The following CSMD2 variants were observed in gnomAD, a reference collection of about 807,000 sequenced individuals.
CSMD2 encodes CUB and Sushi multiple domains 2, also known as CUB and sushi domain-containing protein 2.
In CSMD2, 130 loss-of-function variants were observed where a neutral mutation model predicts 398.5. The observed-to-expected ratio is 0.33, with a 90% CI of 0.28 to 0.38. The LOEUF is 0.38. Ranked by LOEUF, CSMD2 falls within the 10% of genes least tolerant of loss-of-function variation. CSMD2 has a pLI of 1.00. For missense variants in CSMD2, 3,829 were observed against 4,764.9 expected (o/e 0.80, Z 5.78); for synonymous variants, 1,828 against 1,908.5 (o/e 0.96, Z 1.10).
intron 5 of CSMD2, among the ~76,000 whole-genome samples, chr1:33,897,784 G>T (rs1268751281): frequency 6.6e-6 from 1 of 152,214 alleles, no homozygotes; most frequent in Non-Finnish European, 1.5e-5. Flanking sequence ...AATACAAAAT[G>T]AGTTGATTCA....
At chr1:34,014,316 A>G (rs1020700746) in intron 3 of CSMD2, among the ~76,000 whole-genome samples, 61 of 152,346 alleles carry the variant, frequency 4.0e-4, no homozygotes, top group African/African-American at 1.4e-3. Context: ...GAACCTGCCC[A>G]TGGGTCCTGA....
intron 3 of CSMD2, among the ~76,000 whole-genome samples, chr1:33,985,108 G>A (rs1459973032): frequency 6.6e-6 from 1 of 152,200 alleles, no homozygotes; most frequent in Non-Finnish European, 1.5e-5. Context: ...AGTGTGTGCA[G>A]TAACGCAATG....
intron 8 of CSMD2, among the ~76,000 whole-genome samples, 163 bp downstream of exon 8, chr1:33,820,305 AC>A (rs1192867101): frequency 6.6e-6 from 1 of 152,142 alleles, no homozygotes; most frequent in Non-Finnish European, 1.5e-5. Context: ...CAAGGACTGA[AC>A]CAGGAGAGAA....
chr1:33,825,552 T>G lies in CSMD2; in HGVS notation c.1111+145A>C, dbSNP rs897007529. 4.2e-6 allele frequency: 3 copies of G among 718,224 alleles called. No homozygotes were observed. In the African/African-American group the frequency reaches 5.4e-5, roughly 13 times the overall value. 44.5% of individuals were successfully genotyped at this position (718,224 alleles called of 1,614,324 possible). ...GGCTGCTCTCTGGCCGTTGGGTCAG[T>G]GTGTCCAAGCGCAGAGCCCAGGATG... On this transcript the variant is annotated intron_variant, in intron 7 of 70. Transcript: ENST00000373381.
At chr1:34,105,267 C>T (rs533329738) in intron 1 of CSMD2, among the ~76,000 whole-genome samples, 2 of 152,278 alleles carry the variant, frequency 1.3e-5, no homozygotes, top group South Asian at 2.1e-4. Context: ...CTGTCCTGTA[C>T]ATATAGGATG....
intron 6 of CSMD2, among the ~76,000 whole-genome samples, chr1:33,833,758 G>A (rs1168486431): frequency 2.6e-5 from 4 of 152,060 alleles, no homozygotes; most frequent in Admixed American, 6.6e-5. Context: ...AAACCCCATT[G>A]TCTCAGCCCA....
chr1:33,787,278 C>A (rs1397346512), intron 12 of CSMD2, among the ~76,000 whole-genome samples: 3 of 152,320 alleles, frequency 2.0e-5, no homozygotes, highest in East Asian at 3.9e-4. Flanking sequence ...GTGAAGCCAG[C>A]CAGCCCAAGA....
chr1:33,978,678 A>G (rs1195437324), intron 3 of CSMD2, among the ~76,000 whole-genome samples: 2 of 152,170 alleles, frequency 1.3e-5, no homozygotes, highest in South Asian at 2.1e-4. Flanking sequence ...CGTACCTAAG[A>G]ACCCTAGAAA....
rs74068687 is a variant in CSMD2, at chr1:33,986,554, C to T, written c.517+46040G>A. Among the ~76,000 whole-genome samples the T allele has an allele frequency of 5.6e-3, 857 of 152,314 alleles. 6 individuals carry two copies. Among genetic ancestry groups the T allele is most frequent in the African/African-American group, 0.02 (811 of 41,568 alleles). On this transcript the variant is annotated intron_variant, in intron 3 of 70. Transcript: ENST00000373381. ...CTTGTTCTCAGTGCCCTCCCCAGAGCTGGCTGCCTTCATGCTTCCCTGCCA... is the reference window on the plus strand; with the variant it reads ...CTTGTTCTCAGTGCCCTCCCCAGAGTTGGCTGCCTTCATGCTTCCCTGCCA...
At chr1:33,800,574 A>T (rs1655473188) in intron 10 of CSMD2, among the ~76,000 whole-genome samples, 1 of 152,192 alleles carries the variant, frequency 6.6e-6, no homozygotes, top group South Asian at 2.1e-4. Context: ...CTGCCAATAG[A>T]GACCTCTAAG....
chr1:33,522,126 A>G (rs561964171), intron 67 of CSMD2, among the ~76,000 whole-genome samples: 1 of 152,306 alleles, frequency 6.6e-6, no homozygotes, highest in African/African-American at 2.4e-5. Flanking sequence ...GCAGACCCCC[A>G]AATGTGCAGT....
rs757815185 is a variant in CSMD2, at chr1:33,624,616, C to T, written c.5528G>A (p.Arg1843His). 1.8e-5 allele frequency: 29 copies of T among 1,613,628 alleles called. No homozygotes were observed. Among genetic ancestry groups the T allele is most frequent in the South Asian group, 3.3e-5 (3 of 91,076 alleles). The change falls in exon 35 of 71, where the codon CGC becomes CAC. Residue 1843 changes from arginine (R) to histidine (H), a missense_variant. Physicochemically the swap from Arg to His is conservative, Grantham distance 29. This residue lies in a region of CSMD2 where 2,001 missense variants were observed against 2,567.1 expected (regional missense o/e 0.78). Coordinates refer to ENST00000373381, the MANE Select transcript of CSMD2 (RefSeq NM_001281956.2). This position sits in a 1 kb window ranked among gnomAD's most constrained non-coding sequence, Gnocchi z 4.7. Reference protein sequence around the residue: ...VVPCGGNLTERRGTILSPGFP... With the variant: ...VVPCGGNLTEHRGTILSPGFP... ...GCCAGGGGACAGGATGGTGCCCCTGCGCTCTGTGAGGTTGCCTCCACACGG... is the reference window on the plus strand; with the variant it reads ...GCCAGGGGACAGGATGGTGCCCCTGTGCTCTGTGAGGTTGCCTCCACACGG...
chr1:33,552,558 G>A (rs1657558032), intron 55 of CSMD2, among the ~76,000 whole-genome samples: 1 of 152,216 alleles, frequency 6.6e-6, no homozygotes, highest in Admixed American at 6.5e-5. Flanking sequence ...ATTGTCGAAT[G>A]CATAAACAAG....
rs116403450 is a variant in CSMD2 at position 33,597,615 on chromosome 1, G to C, written c.6856+3250C>G. Among the ~76,000 whole-genome samples the C allele has an allele frequency of 6.5e-3, 988 of 152,300 alleles. 16 individuals are homozygous for C. Among genetic ancestry groups the C allele is most frequent in the African/African-American group, 0.023 (953 of 41,558 alleles). Reference sequence around the variant, plus strand: ...TCTGCTAAAACCCAGTGTTTGCAAGGATGTACAGCAAAAGGAACTCTACTT... The same window carrying C: ...TCTGCTAAAACCCAGTGTTTGCAAGCATGTACAGCAAAAGGAACTCTACTT... On this transcript the variant is annotated intron_variant, in intron 44 of 70. Transcript: ENST00000373381.
intron 1 of CSMD2, among the ~76,000 whole-genome samples, chr1:34,110,332 T>C (rs781688138): frequency 6.6e-6 from 1 of 152,104 alleles, no homozygotes; most frequent in Non-Finnish European, 1.5e-5. Context: ...AACCCAGCAA[T>C]CCCATTACTG....
chr1:33,989,227 G>T (rs1646469786), intron 3 of CSMD2, among the ~76,000 whole-genome samples: 2 of 151,322 alleles, frequency 1.3e-5, no homozygotes, highest in South Asian at 4.2e-4. Flanking sequence ...TCAATAAACA[G>T]GTGAAAAAAT....
At chr1:34,110,040 C>CAAAAAAA (rs57314887) in intron 1 of CSMD2, among the ~76,000 whole-genome samples, 4 of 63,394 alleles carry the variant, frequency 6.3e-5, no homozygotes, top group African/African-American at 2.0e-4. Context: ...GACTCTGTCT[C>CAAAAAAA]AAAAAAAAAA....
At chr1:33,792,793 C>A (rs1489104647) in intron 10 of CSMD2, among the ~76,000 whole-genome samples, 1 of 152,198 alleles carries the variant, frequency 6.6e-6, no homozygotes, top group Non-Finnish European at 1.5e-5. Flanking sequence ...CAACCGGGCA[C>A]ATCTGGCCAA....
At chr1:33,868,641 CAGG>C (rs1336301269) in intron 5 of CSMD2, among the ~76,000 whole-genome samples, 2 of 152,098 alleles carry the variant, frequency 1.3e-5, no homozygotes, top group South Asian at 4.1e-4. Flanking sequence ...GAGGCTGAGG[CAGG>C]AGAATTGCTT....
Sources: gnomAD v4.1 joint callset for allele counts (sites outside exome capture counted in the v4.1 genomes callset) on GRCh38, gnomAD v4.1.1 for gene constraint, gnomAD v4.1.1 regional missense constraint, Gnocchi (gnomAD v3.1) non-coding constraint, MANE v1.5 for transcripts, NCBI Gene and HGNC (gene_info 2026-07-23, HGNC 2026-07-21) for gene names.